The following NOL4 variants were observed in gnomAD, a reference collection of about 807,000 sequenced individuals.
The protein encoded by NOL4 is nucleolar protein 4.
NOL4 carries 17 observed loss-of-function variants against 75.9 expected under a neutral mutation model. That is an observed-to-expected ratio of 0.22 (90% CI 0.15 to 0.34). The LOEUF is 0.34. Among genes scored for constraint, NOL4 ranks in the 10% least tolerant of loss-of-function variants. The pLI, the probability that NOL4 is intolerant of heterozygous loss-of-function variation, is 1.00. For missense variants in NOL4, 614 were observed against 793.5 expected (o/e 0.77, Z 2.72); for synonymous variants, 292 against 289.9 (o/e 1.01, Z -0.07).
intron 10 of NOL4, among the ~76,000 whole-genome samples, chr18:33,862,891 T>C (rs1599661806): frequency 1.3e-5 from 2 of 152,148 alleles, no homozygotes; most frequent in East Asian, 3.9e-4. Context: ...GAACTAGAAA[T>C]ACCATTTGAC....
At chr18:33,970,085 C>T (rs2145863428) in intron 6 of NOL4, among the ~76,000 whole-genome samples, 1 of 152,174 alleles carries the variant, frequency 6.6e-6, no homozygotes, top group Admixed American at 6.5e-5. Flanking sequence ...TAGCGAGAGC[C>T]CAAGTGATGC....
chr18:33,886,850 T>C (rs2064712206), intron 9 of NOL4, among the ~76,000 whole-genome samples: 1 of 142,986 alleles, frequency 7.0e-6, no homozygotes, highest in South Asian at 2.1e-4. Context: ...TATCTAGATA[T>C]ATCTACATAT....
At chr18:33,961,777 A>T (rs1345465186) in intron 6 of NOL4, among the ~76,000 whole-genome samples, 1 of 152,068 alleles carries the variant, frequency 6.6e-6, no homozygotes, top group African/African-American at 2.4e-5. Flanking sequence ...GGATTTCAGC[A>T]TTGGAGGATC....
At chr18:34,026,257 T>C (rs989492716) in intron 5 of NOL4, among the ~76,000 whole-genome samples, 5 of 152,172 alleles carry the variant, frequency 3.3e-5, no homozygotes, top group Non-Finnish European at 7.3e-5. Flanking sequence ...AAAGAGAGAA[T>C]GCCTGGTTAT....
Position 34,186,467 on chromosome 18 carries a change from A to G in NOL4, c.264+36523T>C, listed in dbSNP as rs957727076. 3.3e-5 allele frequency among the ~76,000 whole-genome samples: 5 copies of G among 152,214 alleles called. No individual in the cohort carries two copies. In the South Asian group the frequency reaches 8.3e-4, roughly 25 times the overall value. Reference sequence around the variant, plus strand: ...CCTGTAAGCCTCCTTCCTTATATGTATAAAATGAGGAGTGAACACATCAAA... The same window carrying G: ...CCTGTAAGCCTCCTTCCTTATATGTGTAAAATGAGGAGTGAACACATCAAA... On this transcript the variant is annotated intron_variant, in intron 1 of 10. Coordinates refer to ENST00000261592, the MANE Select transcript of NOL4 (RefSeq NM_003787.5).
intron 9 of NOL4, among the ~76,000 whole-genome samples, chr18:33,939,111 C>G (rs111755273): frequency 6.6e-6 from 1 of 151,846 alleles, no homozygotes; most frequent in Non-Finnish European, 1.5e-5. Context: ...ATTTCTGAGG[C>G]CTCTGCTCTG....
chr18:34,141,090 C>T (rs979550497), intron 1 of NOL4, among the ~76,000 whole-genome samples: 1 of 152,088 alleles, frequency 6.6e-6, no homozygotes, highest in Non-Finnish European at 1.5e-5. Flanking sequence ...ACAACTGCTT[C>T]AAAGAGAATA....
intron 9 of NOL4, among the ~76,000 whole-genome samples, chr18:33,933,636 C>T (rs188751772): frequency 9.1e-4 from 138 of 152,274 alleles, no homozygotes; most frequent in African/African-American, 3.1e-3. Flanking sequence ...ACCACTTTTA[C>T]GCTCAGCTAT....
intron 6 of NOL4, among the ~76,000 whole-genome samples, chr18:33,968,623 G>A (rs564498365): frequency 6.6e-6 from 1 of 152,164 alleles, no homozygotes; most frequent in Non-Finnish European, 1.5e-5. Context: ...GACTACTAGA[G>A]AGAGGAGGAA....
Position 34,223,319 on chromosome 18 carries a change from A to T in NOL4, c.-66T>A, listed in dbSNP as rs2037451102. 1 of 1,564,016 alleles carries T rather than the reference A, an allele frequency of 6.4e-7. No individual in the cohort carries two copies. Among genetic ancestry groups the T allele is most frequent in the East Asian group, 2.3e-5 (1 of 44,332 alleles). On this transcript the variant is annotated 5_prime_UTR_variant, in exon 1 of 11. An upstream start codon of the reference 5' UTR is lost. Coordinates refer to ENST00000261592, the MANE Select transcript of NOL4 (RefSeq NM_003787.5). ...CTTCGCACCTGTTCACCCTAGGCTC[A>T]TGAAAAATGCAGCCCCGGCCACGTT...
At chr18:33,857,379 T>G (rs191692834) in intron 10 of NOL4, among the ~76,000 whole-genome samples, 2 of 152,110 alleles carry the variant, frequency 1.3e-5, no homozygotes, top group Admixed American at 1.3e-4. Context: ...TCTATTACTG[T>G]GATTCAAACA....
chr18:34,140,834 T>C (rs552133670), intron 1 of NOL4, among the ~76,000 whole-genome samples: 10 of 152,254 alleles, frequency 6.6e-5, no homozygotes, highest in African/African-American at 2.2e-4. Flanking sequence ...TTCCTTTCCA[T>C]GTTTAGCGCT....
intron 10 of NOL4, among the ~76,000 whole-genome samples, chr18:33,870,979 T>C (rs2063672202): frequency 6.6e-6 from 1 of 152,036 alleles, no homozygotes; most frequent in Non-Finnish European, 1.5e-5. Context: ...TTTTAGTGAG[T>C]GGACCAAGCA....
chr18:34,136,529 T>C (rs936879634), intron 1 of NOL4, among the ~76,000 whole-genome samples: 5 of 152,136 alleles, frequency 3.3e-5, no homozygotes, highest in Non-Finnish European at 7.4e-5. Flanking sequence ...TTGTAGTTTT[T>C]ATTAGCAATG....
chr18:34,047,860 A>G (rs914040138), intron 5 of NOL4, among the ~76,000 whole-genome samples: 1 of 152,136 alleles, frequency 6.6e-6, no homozygotes, highest in East Asian at 1.9e-4. Flanking sequence ...TACACATTGC[A>G]CATGCCTTAT....
intron 2 of NOL4, among the ~76,000 whole-genome samples, chr18:34,125,001 G>A (rs568987913): frequency 2.0e-5 from 3 of 151,918 alleles, no homozygotes; most frequent in Non-Finnish European, 4.4e-5. Flanking sequence ...TCTCACTCCT[G>A]ACTTAAGTTA....
intron 6 of NOL4, among the ~76,000 whole-genome samples, chr18:33,994,949 G>A (rs1035723895): frequency 6.6e-6 from 1 of 151,328 alleles, no homozygotes; most frequent in African/African-American, 2.4e-5. Context: ...AGTGAAACAG[G>A]GAACTAACAG....
chr18:33,988,530 T>C (rs916374639), intron 6 of NOL4, among the ~76,000 whole-genome samples: 1 of 152,092 alleles, frequency 6.6e-6, no homozygotes, highest in Non-Finnish European at 1.5e-5. Context: ...ACTCTCCTCA[T>C]GGGCATGAGA....
chr18:33,938,754 T>C (rs2068249973), intron 9 of NOL4, among the ~76,000 whole-genome samples: 2 of 152,216 alleles, frequency 1.3e-5, no homozygotes, highest in African/African-American at 4.8e-5. Flanking sequence ...ATAGTTTCTT[T>C]GGCTGTGCAG....
Sources: allele counts gnomAD v4.1 joint callset (sites outside exome capture counted in the v4.1 genomes callset), GRCh38; gene constraint gnomAD v4.1.1; transcripts MANE v1.5; gene names NCBI Gene and HGNC (gene_info 2026-07-23, HGNC 2026-07-21).